USP12: variants seen among roughly 807,000 people sequenced by gnomAD.
USP12 encodes ubiquitin specific peptidase 12, also known as ubiquitin carboxyl-terminal hydrolase 12.
A neutral mutation model predicts 45.5 loss-of-function variants in USP12; 19 were observed. That is an observed-to-expected ratio of 0.42 (90% CI 0.29 to 0.61). The LOEUF (loss-of-function observed/expected upper bound fraction) is 0.61, where lower values mean the gene tolerates loss of function less well. Among genes scored for constraint, USP12 ranks in the 20% least tolerant of loss-of-function variants. The probability of loss-of-function intolerance (pLI) is 0.22; values close to 1 mark genes in which losing one functional copy is unlikely to be tolerated. For synonymous variants in USP12, 149 were observed against 148.8 expected (o/e 1.00, Z -0.01); for missense variants, 242 against 447.7 (o/e 0.54, Z 4.15).
In USP12 at chr13:27,147,099, T is replaced by C. The variant is rs556136561; in HGVS notation, c.48+24493A>G. Among the ~76,000 whole-genome samples the C allele has an allele frequency of 5.3e-5, 8 of 152,254 alleles. No homozygotes were observed. In the South Asian group the frequency reaches 1.7e-3, roughly 32 times the overall value. The stretch of plus-strand genomic sequence containing the variant: ...ATTTTGGACTTCTGGAATCCAGAAT[T>C]GTAAGATGACCAATGTCTGCTGTTT... On this transcript the variant is annotated intron_variant, in intron 1 of 8. Transcript: ENST00000282344.
intron 1 of USP12, among the ~76,000 whole-genome samples, chr13:27,142,610 G>A (rs967607179): frequency 6.6e-6 from 1 of 152,054 alleles, no homozygotes; most frequent in Non-Finnish European, 1.5e-5. Flanking sequence ...AAGGTATTTG[G>A]GAACTTCTTG....
intron 5 of USP12, 34 bp downstream of exon 5, chr13:27,090,045 AATT>A: frequency 6.4e-7 from 1 of 1,571,624 alleles, no homozygotes; most frequent in Middle Eastern, 2.0e-4. Context: ...GACTAAAAAT[AATT>A]ATTAAATTTC....
chr13:27,081,436 A>G (rs1035778705), intron 6 of USP12, among the ~76,000 whole-genome samples: 1 of 152,202 alleles, frequency 6.6e-6, no homozygotes, highest in African/African-American at 2.4e-5. Context: ...TCAGATCGTC[A>G]GGATCCTCTT....
At chr13:27,091,816 G>A (rs1328332284) in intron 4 of USP12, among the ~76,000 whole-genome samples, 3 of 152,176 alleles carry the variant, frequency 2.0e-5, no homozygotes, top group Non-Finnish European at 2.9e-5. Context: ...CACCAGAAAA[G>A]GGTGTTATAG....
Position 27,108,774 on chromosome 13 carries a change from T to C in USP12, c.130-2830A>G, listed in dbSNP as rs1875278257. ...GAGTTTAAGACTAGCCTGGCCAACA[T>C]GGTGAAACCCTGTCTCTAACTGAAA... On this transcript the variant is annotated intron_variant, in intron 2 of 8. Transcript: ENST00000282344. Among the ~76,000 whole-genome samples the C allele has an allele frequency of 3.9e-5, 6 of 152,112 alleles. No individual in the cohort carries two copies. In the South Asian group the frequency reaches 1.2e-3, roughly 31 times the overall value.
intron 6 of USP12, among the ~76,000 whole-genome samples, chr13:27,082,922 G>A (rs1413281240): frequency 2.6e-5 from 4 of 152,078 alleles, no homozygotes; most frequent in African/African-American, 4.8e-5. Context: ...CGCAACCTCC[G>A]CCTCCCAGGT....
At position 27,109,388 on chromosome 13, in the gene USP12, C is replaced by G. The variant is rs187755815; in HGVS notation, c.130-3444G>C. On this transcript the variant is annotated intron_variant, in intron 2 of 8. Coordinates refer to ENST00000282344, the MANE Select transcript of USP12 (RefSeq NM_182488.4). ...AAATCACTAAACTTTAATCAAGTCT[C>G]TACGTGTAACTACTAATTTACAAGA... Among the ~76,000 whole-genome samples the G allele has an allele frequency of 1.8e-3, 278 of 152,264 alleles. 1 individual carries two copies. The highest frequency in any genetic ancestry group is 6.5e-3 in the African/African-American group (271 of 41,550).
rs78864885 is a variant in USP12 at position 27,090,916 on chromosome 13, T to C, written c.574-758A>G. On this transcript the variant is annotated intron_variant, in intron 4 of 8. Transcript: ENST00000282344. ...ATACAACATGTGACTATACAAAGTA[T>C]GTATTTATGCAAATATACGTAAACC... Among the ~76,000 whole-genome samples, 99 of 152,320 alleles carry C rather than the reference T, an allele frequency of 6.5e-4. No individual in the cohort carries two copies. The East Asian group carries it at 0.018, about 27-fold the overall frequency.
intron 1 of USP12, among the ~76,000 whole-genome samples, chr13:27,155,553 T>G (rs1304113367): frequency 6.6e-6 from 1 of 152,224 alleles, no homozygotes. Context: ...AAAATTAAAG[T>G]AACTGTACCT....
At chr13:27,096,053 T>G (rs1182628130) in intron 3 of USP12, among the ~76,000 whole-genome samples, 1 of 152,228 alleles carries the variant, frequency 6.6e-6, no homozygotes, top group African/African-American at 2.4e-5. Context: ...TAATTGATCC[T>G]GAGAAAAGGG....
intron 1 of USP12, 33 bp downstream of exon 1, chr13:27,171,559 G>A (rs776407330): frequency 6.6e-6 from 8 of 1,203,080 alleles, no homozygotes; most frequent in South Asian, 1.5e-5. Flanking sequence ...GAGAGGTCCC[G>A]GCAGCCCCGG....
intron 3 of USP12, among the ~76,000 whole-genome samples, chr13:27,103,865 T>C (rs186520474): frequency 6.6e-6 from 1 of 151,558 alleles, no homozygotes; most frequent in Admixed American, 6.6e-5. Flanking sequence ...AACAAACATA[T>C]AAAGCCATAA....
intron 1 of USP12, among the ~76,000 whole-genome samples, chr13:27,159,491 C>T (rs1213393427): frequency 6.6e-6 from 1 of 152,208 alleles, no homozygotes; most frequent in East Asian, 1.9e-4. Flanking sequence ...AACTAGGCCA[C>T]ACCTATTCAA....
intron 1 of USP12, among the ~76,000 whole-genome samples, chr13:27,147,756 A>C (rs1445762587): frequency 6.6e-6 from 1 of 152,124 alleles, no homozygotes; most frequent in Non-Finnish European, 1.5e-5. Flanking sequence ...AAGCGCTCAA[A>C]GAAAGGAAAA....
rs538645488 is a variant in USP12 at position 27,168,319 on chromosome 13, C to T, written c.48+3273G>A. On this transcript the variant is annotated intron_variant, in intron 1 of 8. Transcript: ENST00000282344. ...CTAACCATGACTCCTACAACCCAAA[C>T]AGGAAGAGACAATAATGATCAGAGG... 3.3e-5 allele frequency among the ~76,000 whole-genome samples: 5 copies of T among 152,282 alleles called. 1 individual carries two copies. Among genetic ancestry groups the T allele is most frequent in the African/African-American group, 1.2e-4 (5 of 41,556 alleles).
rs1227696495 is a variant in USP12, at chr13:27,133,223, ACACCACACT to A, written c.49-16636_49-16628del. 7.2e-5 allele frequency among the ~76,000 whole-genome samples: 11 copies of A among 151,958 alleles called. No individual in the cohort carries two copies. In the South Asian group the frequency reaches 1.7e-3, roughly 23 times the overall value. ...TTCCAGTTCAATAAACTTAACGCAA[ACACCACACT>A]CACCACACTCACATGACATCTTTCT... On this transcript the variant is annotated intron_variant, in intron 1 of 8. Coordinates refer to ENST00000282344, the MANE Select transcript of USP12 (RefSeq NM_182488.4).
chr13:27,080,785 T>A (rs1369075644), intron 6 of USP12, among the ~76,000 whole-genome samples: 3 of 152,176 alleles, frequency 2.0e-5, no homozygotes, highest in Non-Finnish European at 4.4e-5. Flanking sequence ...GGTTTCCCAG[T>A]GCATATAAAG....
chr13:27,131,355 T>C (rs1385298775), intron 1 of USP12, among the ~76,000 whole-genome samples: 1 of 152,096 alleles, frequency 6.6e-6, no homozygotes, highest in African/African-American at 2.4e-5. Context: ...CCTCACCATA[T>C]CATACAGGAA....
intron 6 of USP12, among the ~76,000 whole-genome samples, chr13:27,081,065 G>C (rs1395805518): frequency 1.4e-5 from 2 of 147,292 alleles, no homozygotes; most frequent in Non-Finnish European, 3.0e-5. Flanking sequence ...CCAGGCTGGA[G>C]TGCAGTGGCG....
Sources: allele counts gnomAD v4.1 joint callset (sites outside exome capture counted in the v4.1 genomes callset), GRCh38; gene constraint gnomAD v4.1.1; transcripts MANE v1.5; gene names NCBI Gene and HGNC (gene_info 2026-07-23, HGNC 2026-07-21).